Variants in NEGR1 observed in about 807,000 individuals in gnomAD.
NEGR1 encodes neuronal growth regulator 1.
A neutral mutation model predicts 40.9 loss-of-function variants in NEGR1; 10 were observed. The ratio of observed to expected loss-of-function variants is 0.24; its 90% confidence interval spans 0.15 to 0.42. The LOEUF is 0.42. NEGR1 is among the 10% of genes least tolerant of loss of function. The pLI, the probability that NEGR1 is intolerant of heterozygous loss-of-function variation, is 1.00. For synonymous variants in NEGR1, 185 were observed against 166.8 expected (o/e 1.11, Z -0.84); for missense variants, 352 against 438.9 (o/e 0.80, Z 1.77).
At chr1:71,661,607 T>C (rs1226180039) in intron 4 of NEGR1, among the ~76,000 whole-genome samples, 2 of 152,210 alleles carry the variant, frequency 1.3e-5, no homozygotes, top group Admixed American at 6.5e-5. Flanking sequence ...TCTTGTCATA[T>C]AAATCTTATG....
intron 6 of NEGR1, among the ~76,000 whole-genome samples, chr1:71,592,161 A>G (rs1337757350): frequency 2.0e-5 from 3 of 152,146 alleles, no homozygotes; most frequent in African/African-American, 7.2e-5. Flanking sequence ...AAAATTAATT[A>G]TAGGAGGAAA....
At chr1:71,644,367 T>C (rs1651462626) in intron 4 of NEGR1, among the ~76,000 whole-genome samples, 1 of 152,006 alleles carries the variant, frequency 6.6e-6, no homozygotes, top group Non-Finnish European at 1.5e-5. Flanking sequence ...ACATAATTCC[T>C]AAAACCCAAT....
At chr1:71,455,680 A>G (rs1646667655) in intron 6 of NEGR1, among the ~76,000 whole-genome samples, 1 of 152,138 alleles carries the variant, frequency 6.6e-6, no homozygotes, top group Non-Finnish European at 1.5e-5. Context: ...AGCTGAGATC[A>G]CACCACTGCA....
At chr1:71,656,113 T>C (rs1227240968) in intron 4 of NEGR1, among the ~76,000 whole-genome samples, 1 of 152,214 alleles carries the variant, frequency 6.6e-6, no homozygotes, top group Non-Finnish European at 1.5e-5. Flanking sequence ...AATGAGTTCT[T>C]ACTTGGGCAT....
chr1:72,134,072 A>G (rs1650355162), intron 1 of NEGR1, among the ~76,000 whole-genome samples: 2 of 152,100 alleles, frequency 1.3e-5, no homozygotes, highest in African/African-American at 2.4e-5. Flanking sequence ...AAATTTATCA[A>G]TTGCATTTAA....
At chr1:71,903,962 T>C (rs947442970) in intron 2 of NEGR1, among the ~76,000 whole-genome samples, 1 of 151,964 alleles carries the variant, frequency 6.6e-6, no homozygotes, top group Admixed American at 6.6e-5. Flanking sequence ...GTCTTATTCT[T>C]TCATTCAATA....
chr1:72,146,793 A>G (rs1362147733), intron 1 of NEGR1, among the ~76,000 whole-genome samples: 1 of 152,314 alleles, frequency 6.6e-6, no homozygotes, highest in Non-Finnish European at 1.5e-5. Flanking sequence ...AGCTGATTTA[A>G]TTTGCTGTTT....
intron 1 of NEGR1, among the ~76,000 whole-genome samples, chr1:72,254,782 T>C (rs982525166): frequency 3.3e-5 from 5 of 152,094 alleles, no homozygotes; most frequent in Admixed American, 6.6e-5. Context: ...ACATTTTACA[T>C]GAAATGCTTT....
intron 1 of NEGR1, among the ~76,000 whole-genome samples, chr1:72,023,295 C>G (rs1421125227): frequency 6.6e-6 from 1 of 152,102 alleles, no homozygotes; most frequent in Non-Finnish European, 1.5e-5. Context: ...CCACAGTTCT[C>G]TGATTCAAAT....
intron 1 of NEGR1, among the ~76,000 whole-genome samples, chr1:72,199,944 T>G (rs188652797): frequency 3.3e-5 from 5 of 151,962 alleles, no homozygotes; most frequent in Admixed American, 1.3e-4. Flanking sequence ...TTGCTAATCA[T>G]TAGAGAAGTG....
intron 2 of NEGR1, among the ~76,000 whole-genome samples, chr1:71,901,403 C>T (rs1165119209): frequency 6.6e-6 from 1 of 152,064 alleles, no homozygotes; most frequent in Non-Finnish European, 1.5e-5. Context: ...AATGTAGGCC[C>T]CATGAGAGCA....
At chr1:71,861,437 T>C (rs926748068) in intron 2 of NEGR1, among the ~76,000 whole-genome samples, 2 of 152,036 alleles carry the variant, frequency 1.3e-5, no homozygotes, top group Admixed American at 6.6e-5. Context: ...CTAGGAGATA[T>C]TGAAATGCCT....
At chr1:71,868,666 A>G (rs1660191709) in intron 2 of NEGR1, among the ~76,000 whole-genome samples, 1 of 152,134 alleles carries the variant, frequency 6.6e-6, no homozygotes, top group Non-Finnish European at 1.5e-5. Context: ...GTTTTCTAAT[A>G]TCTTAATCAT....
At chr1:71,736,842 T>TA (rs1436782274) in intron 3 of NEGR1, among the ~76,000 whole-genome samples, 2 of 152,220 alleles carry the variant, frequency 1.3e-5, no homozygotes, top group African/African-American at 2.4e-5. Flanking sequence ...TGTGGTTAAC[T>TA]ATCTGCCTCT....
At chr1:72,204,296 G>GA (rs569027899) in intron 1 of NEGR1, among the ~76,000 whole-genome samples, 33 of 151,856 alleles carry the variant, frequency 2.2e-4, no homozygotes. Context: ...TAATTAATGA[G>GA]AAAAAAATAT....
intron 2 of NEGR1, among the ~76,000 whole-genome samples, chr1:71,832,728 A>G (rs1434236351): frequency 6.6e-6 from 1 of 151,954 alleles, no homozygotes; most frequent in Non-Finnish European, 1.5e-5. Flanking sequence ...ACAAATCACA[A>G]AGTCAAGGCC....
chr1:71,844,571 T>C (rs561394440), intron 2 of NEGR1, among the ~76,000 whole-genome samples: 6 of 152,258 alleles, frequency 3.9e-5, no homozygotes, highest in Non-Finnish European at 8.8e-5. Context: ...CTGCCAACAG[T>C]GTTCACATGG....
At chr1:72,008,986 C>G (rs1646633451) in intron 1 of NEGR1, among the ~76,000 whole-genome samples, 1 of 150,566 alleles carries the variant, frequency 6.6e-6, no homozygotes, top group African/African-American at 2.4e-5. Flanking sequence ...CTAACCACCA[C>G]CTCTCATCAG....
intron 1 of NEGR1, among the ~76,000 whole-genome samples, chr1:72,016,626 C>A (rs147793736): frequency 6.6e-6 from 1 of 152,120 alleles, no homozygotes; most frequent in African/African-American, 2.4e-5. Flanking sequence ...CTTGCTTTCA[C>A]GTATGGGAAA....
Sources: allele counts gnomAD v4.1 joint callset (sites outside exome capture counted in the v4.1 genomes callset), GRCh38; gene constraint gnomAD v4.1.1; transcripts MANE v1.5; gene names NCBI Gene and HGNC (gene_info 2026-07-23, HGNC 2026-07-21).